TNIP1: variants seen among roughly 807,000 people sequenced by gnomAD.
TNIP1 encodes the protein TNFAIP3-interacting protein 1.
Under a neutral mutation model 86.6 loss-of-function variants are expected in TNIP1, and 22 were observed. That is an observed-to-expected ratio of 0.25 (90% CI 0.18 to 0.36). The LOEUF (loss-of-function observed/expected upper bound fraction) is 0.36, where lower values mean the gene tolerates loss of function less well. Among genes scored for constraint, TNIP1 ranks in the 10% least tolerant of loss-of-function variants. The probability of loss-of-function intolerance (pLI) is 1.00; values close to 1 mark genes in which losing one functional copy is unlikely to be tolerated. For synonymous variants in TNIP1, 294 were observed against 313.0 expected (o/e 0.94, Z 0.64); for missense variants, 709 against 820.6 (o/e 0.86, Z 1.66).
At chr5:151,038,738 G>C (rs910281071) in intron 12 of TNIP1, among the ~76,000 whole-genome samples, 1 of 152,226 alleles carries the variant, frequency 6.6e-6, no homozygotes, top group African/African-American at 2.4e-5. Flanking sequence ...CGAGCCATGA[G>C]AAGGAGTGTC....
intron 4 of TNIP1, 85 bp from the exon 5 acceptor site, chr5:151,060,480 G>C: frequency 8.3e-7 from 1 of 1,200,446 alleles, no homozygotes; most frequent in Non-Finnish European, 1.2e-6. Context: ...GCAGCAAGGG[G>C]GACAAAATCT....
At chr5:151,047,607 G>A (rs141011272) in intron 8 of TNIP1, among the ~76,000 whole-genome samples, 4 of 152,210 alleles carry the variant, frequency 2.6e-5, no homozygotes, top group East Asian at 1.9e-4. Context: ...AGATGTTGCC[G>A]TTAGGGGAAG....
chr5:151,031,528 T>C (rs546933222), intron 17 of TNIP1, among the ~76,000 whole-genome samples: 70 of 152,326 alleles, frequency 4.6e-4, no homozygotes, highest in Admixed American at 5.9e-4. Context: ...GTGGACACCA[T>C]GGTCAGGGGA....
At chr5:151,041,713 T>C (rs1186963373) in intron 11 of TNIP1, among the ~76,000 whole-genome samples, 1 of 152,164 alleles carries the variant, frequency 6.6e-6, no homozygotes, top group African/African-American at 2.4e-5. Flanking sequence ...CTTCTGTAAT[T>C]AGTTGTCTGG....
chr5:151,033,070 G>C (rs1458801129), intron 16 of TNIP1, among the ~76,000 whole-genome samples: 1 of 138,360 alleles, frequency 7.2e-6, no homozygotes, highest in Non-Finnish European at 1.5e-5. Context: ...AGGTTGCAAT[G>C]AGCCGAGATC....
intron 15 of TNIP1, 42 bp from the exon 16 acceptor site, chr5:151,033,841 TGCAAAGG>T: frequency 7.3e-7 from 1 of 1,375,154 alleles, no homozygotes; most frequent in Non-Finnish European, 9.5e-7. Flanking sequence ...TGCAACAGGC[TGCAAAGG>T]ACACCCATCT....
chr5:151,062,348 C>A (rs1677836013), intron 3 of TNIP1, 136 bp from the exon 4 acceptor site: 7 of 756,286 alleles, frequency 9.3e-6, no homozygotes. Flanking sequence ...GGGAGGTGGT[C>A]TCATCAGGGC....
intron 6 of TNIP1, among the ~76,000 whole-genome samples, chr5:151,055,526 C>G (rs1473274270): frequency 6.6e-6 from 1 of 152,206 alleles, no homozygotes; most frequent in Non-Finnish European, 1.5e-5. Context: ...GGGTTCCCTT[C>G]TCTCAGCCTG....
intron 7 of TNIP1, 120 bp downstream of exon 7, chr5:151,052,045 T>C: frequency 1.3e-6 from 1 of 789,514 alleles, no homozygotes. Flanking sequence ...AACCTCCAAA[T>C]AGGGCTCTGG....
upstream of TNIP1, among the ~76,000 whole-genome samples, chr5:151,084,884 A>G (rs960594077): frequency 2.0e-5 from 3 of 152,224 alleles, no homozygotes; most frequent in Admixed American, 6.5e-5. Context: ...TGATAGTTAA[A>G]TGAGAATGCA....
chr5:151,081,864 T>G (rs577477681), upstream of TNIP1, among the ~76,000 whole-genome samples: 17 of 152,272 alleles, frequency 1.1e-4, no homozygotes, highest in Non-Finnish European at 1.9e-4. Context: ...TAAACTTGCT[T>G]TAAGGGTAGG....
At chr5:151,042,390 G>A in intron 11 of TNIP1, 150 bp downstream of exon 11, 1 of 942,216 alleles carries the variant, frequency 1.1e-6, no homozygotes, top group South Asian at 1.7e-5. Flanking sequence ...TGCAGTGCAG[G>A]GAAGGAACGT....
At chr5:151,064,932 C>T (rs1199275440) in intron 2 of TNIP1, 28 bp downstream of exon 2, 17 of 1,613,278 alleles carry the variant, frequency 1.1e-5, no homozygotes, top group African/African-American at 5.3e-5. Flanking sequence ...GAGGGGCGCT[C>T]GCAGGGAGGG....
At chr5:151,039,858 T>C (rs1189538294) in intron 11 of TNIP1, among the ~76,000 whole-genome samples, 2 of 152,046 alleles carry the variant, frequency 1.3e-5, no homozygotes, top group African/African-American at 4.8e-5. Context: ...AAAAGAAAGA[T>C]CACCACAGCT....
upstream of TNIP1, among the ~76,000 whole-genome samples, chr5:151,083,920 G>T (rs1764175807): frequency 6.6e-6 from 1 of 152,178 alleles, no homozygotes; most frequent in Non-Finnish European, 1.5e-5. Context: ...TTCATAATTT[G>T]CCTCCCAACC....
chr5:151,064,294 T>C (rs1227473689), intron 2 of TNIP1, among the ~76,000 whole-genome samples: 1 of 152,212 alleles, frequency 6.6e-6, no homozygotes, highest in African/African-American at 2.4e-5. Flanking sequence ...CAGGGGGCTA[T>C]GCTCCCCTCT....
intron 17 of TNIP1, 24 bp from the exon 18 acceptor site, chr5:151,030,771 A>C: frequency 6.3e-7 from 1 of 1,580,384 alleles, no homozygotes; most frequent in Non-Finnish European, 8.6e-7. Context: ...AATTTTGAGG[A>C]CTTCATGATT....
chr5:151,047,360 G>A (rs1324718092), intron 8 of TNIP1, among the ~76,000 whole-genome samples: 2 of 152,118 alleles, frequency 1.3e-5, no homozygotes, highest in Non-Finnish European at 2.9e-5. Context: ...CAAATAACTG[G>A]CCAGTACAAC....
chr5:151,068,751 T>C (rs1205203704), intron 1 of TNIP1, among the ~76,000 whole-genome samples: 1 of 151,986 alleles, frequency 6.6e-6, no homozygotes. Context: ...CCACAGCCCA[T>C]CCTCCATTTC....
Sources: gnomAD v4.1 joint callset for allele counts (sites outside exome capture counted in the v4.1 genomes callset) on GRCh38, gnomAD v4.1.1 for gene constraint, MANE v1.5 for transcripts, NCBI Gene and HGNC (gene_info 2026-07-23, HGNC 2026-07-21) for gene names.